The following MID1 variants were observed in gnomAD, a reference collection of about 807,000 sequenced individuals.
MID1 encodes midline 1, also known as E3 ubiquitin-protein ligase Midline-1.
Under a neutral mutation model 40.4 loss-of-function variants are expected in MID1, and 7 were observed. The observed-to-expected ratio is 0.17, with a 90% CI of 0.10 to 0.33. The LOEUF is 0.33. MID1 is among the 10% of genes least tolerant of loss of function. The pLI is 1.00. For missense variants in MID1, 367 were observed against 558.5 expected, an observed-to-expected ratio of 0.66 and a Z score of 3.46; for synonymous variants, 229 against 221.2, an observed-to-expected ratio of 1.04 and a Z score of -0.31.
chrX:10,775,188 G>T (rs958472933), intron 1 of MID1, among the ~76,000 whole-genome samples: 1 of 109,426 alleles, frequency 9.1e-6, no homozygotes, highest in Non-Finnish European at 1.9e-5. Context: ...ACAAATAAAG[G>T]TTTTTTATTA....
intron 1 of MID1, among the ~76,000 whole-genome samples, chrX:10,814,348 A>G (rs1039046303): frequency 9.8e-5 from 11 of 111,740 alleles, no homozygotes; most frequent in Non-Finnish European, 1.5e-4. Context: ...TATTAACAAC[A>G]ATTTTTGGCC....
intron 1 of MID1, among the ~76,000 whole-genome samples, chrX:10,716,630 A>T (rs1486039180): frequency 8.9e-6 from 1 of 112,045 alleles, no homozygotes; most frequent in Non-Finnish European, 1.9e-5. Context: ...GCAGGATATT[A>T]TCCAGGAGAA....
At chrX:10,492,175 A>G (rs192755889) in intron 4 of MID1, among the ~76,000 whole-genome samples, 184 of 111,488 alleles carry the variant, frequency 1.7e-3, no homozygotes, top group African/African-American at 5.7e-3. Flanking sequence ...GAACATCTTA[A>G]GACTACTTCT....
At chrX:10,687,215 A>G (rs973758103) in intron 1 of MID1, among the ~76,000 whole-genome samples, 3 of 111,925 alleles carry the variant, frequency 2.7e-5, no homozygotes, top group African/African-American at 9.8e-5. Context: ...ATAAATTTCT[A>G]GATAATTTTA....
At chrX:10,663,747 A>G (rs900295126) in intron 1 of MID1, among the ~76,000 whole-genome samples, 2 of 111,897 alleles carry the variant, frequency 1.8e-5, no homozygotes. Flanking sequence ...GAATTATGTT[A>G]GGATAAAATT....
intron 1 of MID1, among the ~76,000 whole-genome samples, chrX:10,718,939 A>C (rs1219680733): frequency 1.8e-5 from 2 of 111,562 alleles, no homozygotes; most frequent in African/African-American, 6.5e-5. Flanking sequence ...AGAACCAAAG[A>C]AAAAACCACA....
At chrX:10,464,780 T>C (rs1248295740) in intron 7 of MID1, among the ~76,000 whole-genome samples, 2 of 111,926 alleles carry the variant, frequency 1.8e-5, no homozygotes, top group Non-Finnish European at 3.8e-5. Context: ...GAATTCTACT[T>C]AGGCCCTGTG....
chrX:10,569,318 T>C (rs1029671965), intron 1 of MID1, among the ~76,000 whole-genome samples: 5 of 112,023 alleles, frequency 4.5e-5, no homozygotes, highest in African/African-American at 3.2e-5. Context: ...TAGCATTTAT[T>C]ATATAGGAAA....
At chrX:10,769,814 C>T (rs2043753852) in intron 1 of MID1, among the ~76,000 whole-genome samples, 1 of 111,469 alleles carries the variant, frequency 9.0e-6, no homozygotes, top group East Asian at 2.8e-4. Context: ...GTGACGACTA[C>T]TCTAGCATGA....
intron 1 of MID1, among the ~76,000 whole-genome samples, chrX:10,704,739 T>TATACACACACACACAC (rs1233692170): frequency 2.4e-5 from 2 of 82,184 alleles, no homozygotes; most frequent in African/African-American, 1.1e-4. Flanking sequence ...TATATATATA[T>TATACACACACACACAC]ACACACACAC....
Position 10,445,897 on chromosome X carries a change from A to G in MID1, c.*3471T>C, listed in dbSNP as rs1032414682. 1.8e-5 allele frequency: 2 copies of G among 111,696 alleles called. No homozygotes were observed. Among genetic ancestry groups the G allele is most frequent in the African/African-American group, 6.5e-5 (2 of 30,702 alleles). 9.2% of individuals were successfully genotyped at this position (111,696 alleles called of 1,213,427 possible). A position where few individuals can be genotyped will look rare whatever the true frequency, so the allele number is the denominator to read the frequency against. The stretch of plus-strand genomic sequence containing the variant: ...TTTGGGTGTATCAAGCATATAATCA[A>G]TGACAGGAAAAGTGAAAGGTTTTTA... On this transcript the variant is annotated 3_prime_UTR_variant, in exon 10 of 10. Transcript: ENST00000317552.
chrX:10,557,015 G>A (rs869917), intron 2 of MID1, among the ~76,000 whole-genome samples: 36,831 of 110,861 alleles, frequency 0.33, 5,512 homozygotes, highest in Non-Finnish European at 0.47. Context: ...GGGAATTAGT[G>A]AGCCCATTAA....
intron 1 of MID1, among the ~76,000 whole-genome samples, chrX:10,762,210 G>T (rs183551131): frequency 1.2e-4 from 13 of 112,045 alleles, no homozygotes; most frequent in African/African-American, 4.2e-4. Flanking sequence ...GTCATTATTT[G>T]TATTCCTTTT....
In MID1 at chrX:10,811,449, A is replaced by T. The variant is rs143654519; in HGVS notation, c.-187+22105T>A. Among the ~76,000 whole-genome samples, 622 of 112,384 alleles carry T rather than the reference A, an allele frequency of 5.5e-3. 1 individual carries two copies. The highest frequency in any genetic ancestry group is 0.023 in the Middle Eastern group (5 of 217). On this transcript the variant is annotated intron_variant, in intron 1 of 10. Coordinates refer to the MID1 transcript ENST00000380785. The stretch of plus-strand genomic sequence containing the variant: ...AGGAATTGAAACCAGAGAAGTTGAG[A>T]CACTTCTGTCTGCTAACACAGTGTG...
chrX:10,522,998 T>C, intron 3 of MID1, 94 bp downstream of exon 3: 1 of 671,267 alleles, frequency 1.5e-6, no homozygotes, highest in Non-Finnish European at 2.4e-6. Context: ...TAAGAAAGAT[T>C]CTTGTTTTAA....
At chrX:10,608,980 A>G (rs1449573895) in intron 1 of MID1, among the ~76,000 whole-genome samples, 1 of 112,168 alleles carries the variant, frequency 8.9e-6, no homozygotes, top group African/African-American at 3.2e-5. Context: ...ATGAAGGAAA[A>G]ATATGCTTTT....
chrX:10,533,274 T>C (rs1406106574), intron 2 of MID1, among the ~76,000 whole-genome samples: 4 of 103,632 alleles, frequency 3.9e-5, no homozygotes, highest in African/African-American at 1.4e-4. Flanking sequence ...ATTGTTTTCC[T>C]TATTTAAAAA....
chrX:10,523,258 T>A (rs1010574346), intron 2 of MID1, 71 bp from the exon 3 acceptor site: 23 of 760,430 alleles, frequency 3.0e-5, no homozygotes, highest in Non-Finnish European at 4.5e-5. Context: ...TACACAAAAT[T>A]ACTCATTCTC....
intron 1 of MID1, among the ~76,000 whole-genome samples, chrX:10,796,135 T>C (rs1161786561): frequency 8.9e-6 from 1 of 112,328 alleles, no homozygotes; most frequent in Admixed American, 9.4e-5. Context: ...AAAAAGTTTG[T>C]TCTTCATAAA....
Sources: gnomAD v4.1 joint callset for allele counts (sites outside exome capture counted in the v4.1 genomes callset) on GRCh38, gnomAD v4.1.1 for gene constraint, MANE v1.5 for transcripts, NCBI Gene and HGNC (gene_info 2026-07-23, HGNC 2026-07-21) for gene names.